CADM2: variants seen among roughly 807,000 people sequenced by gnomAD.
The protein encoded by CADM2 is immunoglobulin superfamily member 4D.
CADM2 carries 12 observed loss-of-function variants against 49.8 expected under a neutral mutation model. The ratio of observed to expected loss-of-function variants is 0.24; its 90% confidence interval spans 0.15 to 0.39. CADM2 has a LOEUF of 0.39. CADM2 is among the 10% of genes least tolerant of loss of function. CADM2 has a pLI of 1.00. For synonymous variants in CADM2, 214 were observed against 175.4 expected (o/e 1.22, Z -1.74); for missense variants, 378 against 492.3 (o/e 0.77, Z 2.20).
chr3:86,014,479 T>A, intron 8 of CADM2: 2 of 1,518,708 alleles, frequency 1.3e-6, no homozygotes, highest in Middle Eastern at 2.5e-4. Flanking sequence ...AAACTTGATA[T>A]TCAAATGAAA....
At chr3:85,818,030 G>T (rs994231978) in intron 3 of CADM2, among the ~76,000 whole-genome samples, 5 of 152,106 alleles carry the variant, frequency 3.3e-5, no homozygotes, top group Non-Finnish European at 7.4e-5. Flanking sequence ...CTAGGAAGTT[G>T]AGATCTTATA....
At chr3:85,265,916 A>G (rs1012330677) in intron 1 of CADM2, among the ~76,000 whole-genome samples, 3 of 151,896 alleles carry the variant, frequency 2.0e-5, no homozygotes. Context: ...GCCCTCCAGT[A>G]TTAAGTCTGA....
chr3:85,841,443 T>G (rs1040675092), intron 3 of CADM2, among the ~76,000 whole-genome samples: 2 of 152,042 alleles, frequency 1.3e-5, no homozygotes, highest in African/African-American at 4.8e-5. Flanking sequence ...TACTTTCATT[T>G]CCATATTATT....
At chr3:85,921,056 T>G (rs1054910836) in intron 6 of CADM2, among the ~76,000 whole-genome samples, 2 of 151,874 alleles carry the variant, frequency 1.3e-5, no homozygotes, top group African/African-American at 4.8e-5. Flanking sequence ...GTGAATGTTT[T>G]CAATTATTTT....
intron 1 of CADM2, among the ~76,000 whole-genome samples, chr3:85,263,840 T>C (rs1206943999): frequency 6.6e-6 from 1 of 152,100 alleles, no homozygotes; most frequent in African/African-American, 2.4e-5. Flanking sequence ...TCAAGAATAA[T>C]GACTTTCCGT....
intron 1 of CADM2, among the ~76,000 whole-genome samples, chr3:85,113,832 A>G (rs2038548278): frequency 6.6e-6 from 1 of 152,030 alleles, no homozygotes; most frequent in Non-Finnish European, 1.5e-5. Context: ...ATGATAGTAT[A>G]TAGTTAAATG....
intron 1 of CADM2, among the ~76,000 whole-genome samples, chr3:85,191,421 G>T (rs979550023): frequency 6.6e-6 from 1 of 151,860 alleles, no homozygotes; most frequent in Non-Finnish European, 1.5e-5. Context: ...ATTTTTAAAG[G>T]TTTTACTAAT....
chr3:86,023,252 C>T (rs1733426885), intron 8 of CADM2, among the ~76,000 whole-genome samples: 1 of 152,238 alleles, frequency 6.6e-6, no homozygotes, highest in Non-Finnish European at 1.5e-5. Context: ...TTTGTACACA[C>T]TGCCCTGTAA....
chr3:84,974,575 G>C (rs952085601), intron 1 of CADM2, among the ~76,000 whole-genome samples: 1 of 151,918 alleles, frequency 6.6e-6, no homozygotes, highest in African/African-American at 2.4e-5. Flanking sequence ...TTGTGTCTTA[G>C]TGACTTCTTT....
chr3:85,206,087 T>C (rs551052912), intron 1 of CADM2, among the ~76,000 whole-genome samples: 3 of 152,056 alleles, frequency 2.0e-5, no homozygotes. Flanking sequence ...TTAAGTCAGG[T>C]AAACTGTTTT....
At chr3:85,739,724 C>T (rs1296026602) in intron 2 of CADM2, among the ~76,000 whole-genome samples, 1 of 151,924 alleles carries the variant, frequency 6.6e-6, no homozygotes, top group Admixed American at 6.6e-5. Flanking sequence ...TGAGGAAGCA[C>T]TGAAAATAGA....
chr3:85,049,113 T>G (rs2035778839), intron 1 of CADM2, among the ~76,000 whole-genome samples: 1 of 152,088 alleles, frequency 6.6e-6, no homozygotes, highest in African/African-American at 2.4e-5. Flanking sequence ...TTCATTCCGA[T>G]GAGGATAATG....
At chr3:85,420,982 C>T (rs1035825733) in intron 1 of CADM2, among the ~76,000 whole-genome samples, 48 of 152,022 alleles carry the variant, frequency 3.2e-4, no homozygotes, top group African/African-American at 1.2e-3. Context: ...AATGGGGATG[C>T]ATAATTTTTA....
chr3:85,656,626 A>C (rs565964036), intron 1 of CADM2, among the ~76,000 whole-genome samples: 4 of 152,276 alleles, frequency 2.6e-5, no homozygotes, highest in African/African-American at 9.6e-5. Flanking sequence ...CAAAATAATA[A>C]TAATGATAAT....
chr3:85,681,971 G>A (rs1401907280), intron 1 of CADM2, among the ~76,000 whole-genome samples: 1 of 152,072 alleles, frequency 6.6e-6, no homozygotes, highest in Non-Finnish European at 1.5e-5. Context: ...TGTGTAAGAG[G>A]CATTTTTATT....
chr3:85,585,805 T>C (rs535601353), intron 1 of CADM2, among the ~76,000 whole-genome samples: 266 of 152,122 alleles, frequency 1.7e-3, no homozygotes, highest in Non-Finnish European at 3.5e-3. Context: ...TTACGTAAGT[T>C]GTTTTAGCCA....
intron 1 of CADM2, among the ~76,000 whole-genome samples, chr3:85,243,266 G>A (rs184333815): frequency 5.4e-4 from 82 of 151,910 alleles, no homozygotes; most frequent in Non-Finnish European, 8.3e-4. Context: ...TGGTTAATGA[G>A]TAATATTTTC....
At chr3:85,802,867 A>G (rs1027574426) in intron 3 of CADM2, among the ~76,000 whole-genome samples, 3 of 152,116 alleles carry the variant, frequency 2.0e-5, no homozygotes, top group South Asian at 4.1e-4. Context: ...ATCCATTATT[A>G]GATGAAAAAG....
intron 1 of CADM2, among the ~76,000 whole-genome samples, chr3:85,691,116 T>C (rs1318788284): frequency 2.6e-5 from 4 of 152,140 alleles, no homozygotes. Flanking sequence ...ACTCTTATTC[T>C]CTCCTCTACT....
Sources: allele counts gnomAD v4.1 joint callset (sites outside exome capture counted in the v4.1 genomes callset), GRCh38; gene constraint gnomAD v4.1.1; transcripts MANE v1.5; gene names NCBI Gene and HGNC (gene_info 2026-07-23, HGNC 2026-07-21).